HYAL4: variants seen among roughly 807,000 people sequenced by gnomAD.
HYAL4 encodes the protein hyaluronidase-4.
Under a neutral mutation model 35.2 loss-of-function variants are expected in HYAL4, and 37 were observed. The ratio of observed to expected loss-of-function variants is 1.05; its 90% CI spans 0.81 to 1.38. HYAL4 has a LOEUF of 1.38. Ranked by LOEUF, HYAL4 falls within the 40% of genes most tolerant of loss-of-function variation. The pLI is 0.00. For missense variants in HYAL4, 572 were observed against 572.4 expected (o/e 1.00, Z 0.01); for synonymous variants, 198 against 203.2 (o/e 0.97, Z 0.22).
intron 1 of HYAL4, among the ~76,000 whole-genome samples, chr7:123,846,669 A>C (rs962975177): frequency 6.6e-6 from 1 of 152,018 alleles, no homozygotes; most frequent in Non-Finnish European, 1.5e-5. Context: ...AGGAAACTTC[A>C]GGTTCTGTTG....
At chr7:123,865,696 G>T (rs1806672328) in intron 2 of HYAL4, among the ~76,000 whole-genome samples, 1 of 152,110 alleles carries the variant, frequency 6.6e-6, no homozygotes, top group South Asian at 2.1e-4. Context: ...ATACCATGAG[G>T]TTTGGCTGGT....
intron 1 of HYAL4, among the ~76,000 whole-genome samples, chr7:123,846,122 G>T (rs969519020): frequency 7.9e-5 from 12 of 152,222 alleles, no homozygotes; most frequent in African/African-American, 2.7e-4. Flanking sequence ...TTTTGTATTG[G>T]CCTCCTGCCA....
chr7:123,868,431 A>G lies in HYAL4; in HGVS notation c.158A>G (p.Asn53Ser). The G allele has an allele frequency of 6.2e-7, 1 of 1,612,252 alleles. No individual in the cohort carries two copies. The highest frequency in any genetic ancestry group is 8.5e-7 in the Non-Finnish European group (1 of 1,179,562). Residue 53 changes from asparagine (N) to serine (S), a missense_variant, in exon 3 of 5, where the codon AAT becomes AGT. Transcript: ENST00000223026. ...AGGAAACCTTTTATAGCTGCTTGGA[A>G]TGCTCCAACAGATCAGTGTTTGATA... is the stretch of plus-strand genomic sequence containing the variant. ...YQRKPFIAAW[N>S]APTDQCLIKY...
At chr7:123,866,875 C>CTT (rs1806701359) in intron 2 of HYAL4, among the ~76,000 whole-genome samples, 1 of 151,386 alleles carries the variant, frequency 6.6e-6, no homozygotes, top group Non-Finnish European at 1.5e-5. Flanking sequence ...ACTGCAACCG[C>CTT]CACCTCCCAG....
chr7:123,853,699 G>A (rs889515135), intron 2 of HYAL4, among the ~76,000 whole-genome samples: 23 of 152,096 alleles, frequency 1.5e-4, no homozygotes, highest in Non-Finnish European at 7.4e-5. Flanking sequence ...TGTTGTTGTT[G>A]TGTCTCTGGC....
At chr7:123,860,312 A>G (rs1806549081) in intron 2 of HYAL4, among the ~76,000 whole-genome samples, 1 of 152,200 alleles carries the variant, frequency 6.6e-6, no homozygotes, top group African/African-American at 2.4e-5. Context: ...GCAGTGTGAG[A>G]ACAGACTAAT....
At chr7:123,844,494 TCA>T (rs1486184121), upstream of HYAL4, among the ~76,000 whole-genome samples, 1 of 152,174 alleles carries the variant, frequency 6.6e-6, no homozygotes, top group African/African-American at 2.4e-5. Flanking sequence ...CATCAGGGAC[TCA>T]CTTGAGGAGG....
At chr7:123,839,836 GT>G (rs79940728) in intron 1 of HYAL4, among the ~76,000 whole-genome samples, 128,166 of 151,812 alleles carry the variant, frequency 0.84, 54,196 homozygotes, top group Non-Finnish European at 0.87. Flanking sequence ...GGGATTGTTT[GT>G]TTTTTTTTCT....
the HYAL4 span, among the ~76,000 whole-genome samples, chr7:123,795,998 G>C: frequency 4.6e-5 from 7 of 152,110 alleles, no homozygotes; most frequent in African/African-American, 1.7e-4. Context: ...AAGAGTATAG[G>C]GTGAACCAAA....
chr7:123,872,494 C>T (rs920245459), intron 3 of HYAL4, among the ~76,000 whole-genome samples: 12 of 152,216 alleles, frequency 7.9e-5, no homozygotes, highest in Admixed American at 7.2e-4. Flanking sequence ...CAGGGACTGA[C>T]ACCGAAGTGT....
upstream of HYAL4, among the ~76,000 whole-genome samples, chr7:123,842,189 A>G (rs920483945): frequency 1.3e-5 from 2 of 152,040 alleles, no homozygotes; most frequent in African/African-American, 4.8e-5. Context: ...AGATTCTGAT[A>G]CATGTTGTCT....
intron 1 of HYAL4, among the ~76,000 whole-genome samples, chr7:123,847,857 A>T (rs141405170): frequency 1.3e-5 from 2 of 152,178 alleles, no homozygotes; most frequent in Non-Finnish European, 2.9e-5. Context: ...GAAGTCTTAC[A>T]TATACAGTTT....
chr7:123,836,600 A>G (rs1805966716), intron 1 of HYAL4, among the ~76,000 whole-genome samples: 1 of 151,984 alleles, frequency 6.6e-6, no homozygotes, highest in African/African-American at 2.4e-5. Flanking sequence ...CAGAGATGTA[A>G]GGTACTAGTC....
chr7:123,876,259 C>T (rs1314790516), intron 4 of HYAL4, among the ~76,000 whole-genome samples: 1 of 152,164 alleles, frequency 6.6e-6, no homozygotes, highest in Non-Finnish European at 1.5e-5. Flanking sequence ...AGAATGGTGG[C>T]ATAAGATGAT....
chr7:123,812,866 A>G, the HYAL4 span, among the ~76,000 whole-genome samples: 1 of 152,160 alleles, frequency 6.6e-6, no homozygotes, highest in Non-Finnish European at 1.5e-5. Context: ...ATTAGAGAAG[A>G]GTGATGGGAG....
At chr7:123,816,487 A>G in the HYAL4 span, among the ~76,000 whole-genome samples, 12 of 152,310 alleles carry the variant, frequency 7.9e-5, no homozygotes, top group Middle Eastern at 0.01. Flanking sequence ...TAATAACAGT[A>G]GAAAATAATA....
At chr7:123,808,861 G>T in the HYAL4 span, among the ~76,000 whole-genome samples, 1 of 152,066 alleles carries the variant, frequency 6.6e-6, no homozygotes, top group African/African-American at 2.4e-5. Flanking sequence ...TGGTGGAAGG[G>T]GTAAAGGCCA....
rs180728788 is a variant in HYAL4 at position 123,859,728 on chromosome 7, C to T, written c.-51-8495C>T. ...TGATTCCTTATACTGTAGTCAGAAT[C>T]GATTTGCATCTTCTCTTATATATCC... On this transcript the variant is annotated intron_variant, in intron 2 of 4. Transcript: ENST00000223026. Among the ~76,000 whole-genome samples the T allele has an allele frequency of 4.6e-5, 7 of 152,286 alleles. No homozygotes were observed. In the South Asian group the frequency reaches 6.2e-4, roughly 14 times the overall value.
chr7:123,850,536 C>T (rs1287203236), intron 2 of HYAL4, among the ~76,000 whole-genome samples: 4 of 152,088 alleles, frequency 2.6e-5, no homozygotes, highest in Non-Finnish European at 5.9e-5. Context: ...CACCGTGCGA[C>T]TCTACTTATA....
Sources: allele counts gnomAD v4.1 joint callset (sites outside exome capture counted in the v4.1 genomes callset), GRCh38; gene constraint gnomAD v4.1.1; transcripts MANE v1.5; gene names NCBI Gene and HGNC (gene_info 2026-07-23, HGNC 2026-07-21).